Variants in EEIG2 observed in about 807,000 individuals in gnomAD.
The protein encoded by EEIG2 is family with sequence similarity 102 member B.
the EEIG2 span, among the ~76,000 whole-genome samples, chr1:108,581,421 G>T: frequency 6.6e-5 from 10 of 152,176 alleles, no homozygotes; most frequent in Admixed American, 6.5e-4. Context: ...TGCTGCCTTA[G>T]ATAGTGATTC....
the EEIG2 span, among the ~76,000 whole-genome samples, chr1:108,600,862 TTA>T: frequency 6.6e-6 from 1 of 151,956 alleles, no homozygotes; most frequent in Non-Finnish European, 1.5e-5. Context: ...GAATCTGAGG[TTA>T]TAAATTAAAA....
At chr1:108,617,872 A>C in the EEIG2 span, among the ~76,000 whole-genome samples, 1 of 152,168 alleles carries the variant, frequency 6.6e-6, no homozygotes, top group Non-Finnish European at 1.5e-5. Flanking sequence ...GAAAATGAGG[A>C]CTGAGGATTG....
At chr1:108,621,099 C>G in the EEIG2 span, among the ~76,000 whole-genome samples, 19 of 152,298 alleles carry the variant, frequency 1.2e-4, no homozygotes, top group East Asian at 3.5e-3. Flanking sequence ...TAAGAAATGT[C>G]AAATAGGTAA....
At chr1:108,611,324 G>A in the EEIG2 span, among the ~76,000 whole-genome samples, 1 of 152,084 alleles carries the variant, frequency 6.6e-6, no homozygotes, top group Non-Finnish European at 1.5e-5. Context: ...TATAGACTTA[G>A]CTTGCTCAAA....
chr1:108,586,918 T>G, the EEIG2 span, among the ~76,000 whole-genome samples: 1 of 152,326 alleles, frequency 6.6e-6, no homozygotes, highest in South Asian at 2.1e-4. Flanking sequence ...GAAGAACAAG[T>G]AACCTACTAA....
the EEIG2 span, chr1:108,560,364 G>A: frequency 2.8e-6 from 4 of 1,415,714 alleles, no homozygotes; most frequent in Non-Finnish European, 3.7e-6. Context: ...CTGATCCGGG[G>A]CTCGGCCAAG....
chr1:108,584,310 T>G, the EEIG2 span, among the ~76,000 whole-genome samples: 5 of 151,784 alleles, frequency 3.3e-5, no homozygotes, highest in Non-Finnish European at 2.9e-5. Context: ...TGATTGAGAG[T>G]CTGTATGCTT....
chr1:108,569,976 A>G, the EEIG2 span, among the ~76,000 whole-genome samples: 248 of 152,180 alleles, frequency 1.6e-3, 2 homozygotes, highest in African/African-American at 5.5e-3. Context: ...TCACCATCCC[A>G]CTGTGATTTC....
chr1:108,586,317 GTGTGTGTGT>G, the EEIG2 span, among the ~76,000 whole-genome samples: 4 of 856 alleles, frequency 4.7e-3, no homozygotes, highest in East Asian at 0.049. Flanking sequence ...GCAGAGGGGT[GTGTGTGTGT>G]GTGTGTGTGT....
the EEIG2 span, among the ~76,000 whole-genome samples, chr1:108,563,513 T>G: frequency 6.6e-6 from 1 of 152,158 alleles, no homozygotes; most frequent in East Asian, 1.9e-4. Flanking sequence ...CTTTATAAAA[T>G]AATACTCATC....
At chr1:108,590,232 C>T in the EEIG2 span, among the ~76,000 whole-genome samples, 1 of 152,100 alleles carries the variant, frequency 6.6e-6, no homozygotes, top group Non-Finnish European at 1.5e-5. Flanking sequence ...GTTCATTTAT[C>T]CTTAGTGTTG....
chr1:108,601,461 A>G, the EEIG2 span, among the ~76,000 whole-genome samples: 1 of 151,424 alleles, frequency 6.6e-6, no homozygotes, highest in African/African-American at 2.4e-5. Flanking sequence ...TTTAAGTATT[A>G]CATAAAATAC....
At chr1:108,561,125 A>G in the EEIG2 span, among the ~76,000 whole-genome samples, 1 of 152,184 alleles carries the variant, frequency 6.6e-6, no homozygotes, top group Admixed American at 6.5e-5. Flanking sequence ...TGCTGGATGA[A>G]TTAGTCTTGA....
chr1:108,594,993 TA>T, the EEIG2 span, among the ~76,000 whole-genome samples: 4 of 151,746 alleles, frequency 2.6e-5, no homozygotes, highest in South Asian at 4.1e-4. Flanking sequence ...GTTTGTTTCT[TA>T]AAAAAAAATT....
At chr1:108,594,836 A>G in the EEIG2 span, among the ~76,000 whole-genome samples, 9 of 152,240 alleles carry the variant, frequency 5.9e-5, no homozygotes, top group African/African-American at 2.2e-4. Context: ...TGTAATTCCA[A>G]TTACCTGTCC....
the EEIG2 span, chr1:108,560,140 C>T: frequency 3.0e-4 from 54 of 177,222 alleles, no homozygotes; most frequent in East Asian, 8.4e-3. Flanking sequence ...GCGGCGGCGG[C>T]GGCGAGCTGA....
chr1:108,628,765 T>A, the EEIG2 span: 1 of 1,613,242 alleles, frequency 6.2e-7, no homozygotes, highest in Non-Finnish European at 8.5e-7. Flanking sequence ...AGAGAAAATA[T>A]TACAAAGTCA....
the EEIG2 span, among the ~76,000 whole-genome samples, chr1:108,603,418 A>G: frequency 6.8e-6 from 1 of 148,046 alleles, no homozygotes; most frequent in East Asian, 2.0e-4. Flanking sequence ...GTTTCAACCT[A>G]GTAGGAAGAG....
At chr1:108,577,775 G>A in the EEIG2 span, among the ~76,000 whole-genome samples, 6 of 135,384 alleles carry the variant, frequency 4.4e-5, no homozygotes, top group South Asian at 2.6e-4. Flanking sequence ...TTGACTTGGC[G>A]ATGCGGGCTC....
Sources: gnomAD v4.1 joint callset for allele counts (sites outside exome capture counted in the v4.1 genomes callset) on GRCh38, gnomAD v4.1.1 for gene constraint, MANE v1.5 for transcripts, NCBI Gene and HGNC (gene_info 2026-07-23, HGNC 2026-07-21) for gene names.